The following DRC11L variants were observed in gnomAD, a reference collection of about 807,000 sequenced individuals.
The protein encoded by DRC11L is dynein regulatory complex subunit like-11.
At chr7:151,196,432 G>A in the DRC11L span, 1 of 399,162 alleles carries the variant, frequency 2.5e-6, no homozygotes, top group Non-Finnish European at 4.4e-6. Flanking sequence ...GGGAAGCCCT[G>A]ACCCTGTGCT....
the DRC11L span, chr7:151,196,360 G>A: frequency 5.0e-6 from 2 of 398,890 alleles, no homozygotes; most frequent in Non-Finnish European, 4.4e-6. Context: ...AATGGGTGGG[G>A]AGGAGCCTGA....
the DRC11L span, chr7:151,197,917 A>G: frequency 5.0e-6 from 2 of 398,972 alleles, no homozygotes; most frequent in Non-Finnish European, 8.9e-6. Context: ...CTAAGTGAAC[A>G]AAAGATGATT....
chr7:151,196,742 C>T, the DRC11L span, among the ~76,000 whole-genome samples: 4 of 152,240 alleles, frequency 2.6e-5, no homozygotes, highest in Non-Finnish European at 4.4e-5. Context: ...TCTACCCAGA[C>T]GGCAAATAGG....
chr7:151,195,369 T>C, the DRC11L span: 10 of 399,024 alleles, frequency 2.5e-5, 1 homozygote, highest in African/African-American at 2.1e-5. Context: ...GTCAGGTCCC[T>C]GGACTGGGAC....
chr7:151,195,400 T>C, the DRC11L span: 414 of 399,064 alleles, frequency 1.0e-3, no homozygotes, highest in African/African-American at 7.6e-3. Flanking sequence ...ACCACCACCA[T>C]GCAAAGTGGG....
At chr7:151,196,656 G>A in the DRC11L span, 1 of 398,912 alleles carries the variant, frequency 2.5e-6, no homozygotes, top group Non-Finnish European at 4.4e-6. Context: ...CGTGCACACA[G>A]ACACATGTGT....
the DRC11L span, chr7:151,193,352 T>C: frequency 2.5e-6 from 1 of 399,528 alleles, no homozygotes; most frequent in Non-Finnish European, 4.4e-6. Flanking sequence ...GCCCAGCAGG[T>C]TTTCCGGCGA....
the DRC11L span, chr7:151,200,532 A>C: frequency 2.5e-6 from 1 of 398,862 alleles, no homozygotes; most frequent in East Asian, 3.6e-5. Context: ...TCTCTCAGAG[A>C]GGGTCCGAGA....
At chr7:151,192,973 C>T in the DRC11L span, 1 of 397,928 alleles carries the variant, frequency 2.5e-6, no homozygotes, top group Non-Finnish European at 4.4e-6. Context: ...ACCTGGAAGT[C>T]CCACCTCCCA....
the DRC11L span, chr7:151,194,370 C>T: frequency 1.0e-5 from 4 of 399,020 alleles, no homozygotes; most frequent in East Asian, 3.6e-5. Context: ...TCACCTGTGG[C>T]GATAGGCAGC....
chr7:151,192,174 G>C, the DRC11L span: 1 of 398,158 alleles, frequency 2.5e-6, no homozygotes, highest in South Asian at 1.4e-4. Context: ...CCTTCCAGAA[G>C]ACCGGGCTGT....
At chr7:151,199,106 C>T in the DRC11L span, 2 of 398,028 alleles carry the variant, frequency 5.0e-6, no homozygotes, top group South Asian at 2.8e-4. This position sits in a 1 kb window ranked among gnomAD's most constrained non-coding sequence, Gnocchi z 5.2. Flanking sequence ...GTACCCACTC[C>T]TTCCCCAACA....
At chr7:151,194,137 C>A in the DRC11L span, 10 of 389,710 alleles carry the variant, frequency 2.6e-5, no homozygotes, top group Non-Finnish European at 4.1e-5. Context: ...GGCAGGAGGA[C>A]CTGGGGCTTG....
At chr7:151,199,020 G>A in the DRC11L span, 4 of 399,048 alleles carry the variant, frequency 1.0e-5, no homozygotes, top group Non-Finnish European at 1.8e-5. This position sits in a 1 kb window ranked among gnomAD's most constrained non-coding sequence, Gnocchi z 5.2. Flanking sequence ...GAGTGGAAGA[G>A]AGGCTGAGGG....
At chr7:151,202,880 C>T in the DRC11L span, 1 of 399,608 alleles carries the variant, frequency 2.5e-6, no homozygotes, top group Non-Finnish European at 4.4e-6. Flanking sequence ...GTGACTCTAC[C>T]CTGACCCTCC....
the DRC11L span, chr7:151,200,415 C>T: frequency 7.5e-6 from 3 of 399,114 alleles, no homozygotes; most frequent in African/African-American, 4.1e-5. Flanking sequence ...ATTCGCCGGT[C>T]CTGCTGAGTG....
the DRC11L span, chr7:151,194,538 T>C: frequency 3.0e-5 from 12 of 399,400 alleles, no homozygotes; most frequent in East Asian, 4.3e-4. Context: ...TCAATGCTAC[T>C]GACTCACTCT....
the DRC11L span, chr7:151,197,315 G>A: frequency 2.5e-6 from 1 of 398,530 alleles, no homozygotes; most frequent in South Asian, 1.3e-4. Flanking sequence ...TGCATTTCCA[G>A]TTCCATTCTC....
At chr7:151,204,857 G>A in the DRC11L span, 2 of 399,000 alleles carry the variant, frequency 5.0e-6, no homozygotes, top group Non-Finnish European at 8.8e-6. Context: ...GGTGGCGGGC[G>A]CCGCGTGCTC....
Sources: gnomAD v4.1 joint callset for allele counts (sites outside exome capture counted in the v4.1 genomes callset) on GRCh38, gnomAD v4.1.1 for gene constraint, Gnocchi (gnomAD v3.1) non-coding constraint, MANE v1.5 for transcripts, NCBI Gene and HGNC (gene_info 2026-07-23, HGNC 2026-07-21) for gene names.